PHACTR3: variants seen among roughly 807,000 people sequenced by gnomAD.
PHACTR3 encodes protein phosphatase 1, regulatory subunit 123.
Under a neutral mutation model 66.8 loss-of-function variants are expected in PHACTR3, and 16 were observed. That is an observed-to-expected ratio of 0.24 (90% CI 0.16 to 0.36). PHACTR3 has a LOEUF of 0.36. Among genes scored for constraint, PHACTR3 ranks in the 10% least tolerant of loss-of-function variants. The probability of loss-of-function intolerance (pLI) is 1.00; values close to 1 mark genes in which losing one functional copy is unlikely to be tolerated. For missense variants in PHACTR3, 647 were observed against 719.9 expected, an observed-to-expected ratio of 0.90 and a Z score of 1.16; for synonymous variants, 323 against 292.1, an observed-to-expected ratio of 1.11 and a Z score of -1.08.
chr20:59,679,788 C>T (rs574601468), intron 1 of PHACTR3, among the ~76,000 whole-genome samples: 20 of 152,192 alleles, frequency 1.3e-4, no homozygotes, highest in Admixed American at 9.8e-4. Context: ...CTTATAAAAC[C>T]GTCAGATCTC....
At chr20:59,675,477 A>C (rs2036422998) in intron 1 of PHACTR3, among the ~76,000 whole-genome samples, 1 of 152,064 alleles carries the variant, frequency 6.6e-6, no homozygotes, top group African/African-American at 2.4e-5. Flanking sequence ...TTCATTCGTT[A>C]AGTTCCTGGT....
intron 1 of PHACTR3, among the ~76,000 whole-genome samples, chr20:59,669,102 T>C (rs1419069883): frequency 1.3e-5 from 2 of 152,078 alleles, no homozygotes; most frequent in African/African-American, 4.8e-5. Context: ...GCCTCTGCCA[T>C]TTGCATGCTG....
At chr20:59,667,912 T>C (rs1307721627) in intron 1 of PHACTR3, among the ~76,000 whole-genome samples, 1 of 152,186 alleles carries the variant, frequency 6.6e-6, no homozygotes, top group Non-Finnish European at 1.5e-5. Context: ...AAATAAGCAG[T>C]GAATTCTGCA....
At chr20:59,728,514 C>T (rs2038644353) in intron 1 of PHACTR3, among the ~76,000 whole-genome samples, 2 of 152,096 alleles carry the variant, frequency 1.3e-5, no homozygotes, top group Admixed American at 6.5e-5. Flanking sequence ...AACCTAAATG[C>T]CCATCGACAG....
rs558431583 is a variant in PHACTR3 at position 59,695,319 on chromosome 20, A to T, written c.119-47788A>T. The stretch of plus-strand genomic sequence containing the variant: ...TGGATTTCCCCTTGCTGTTCTCATG[A>T]TAGTGAGTGTGTTCTTATGAGATCT... On this transcript the variant is annotated intron_variant, in intron 1 of 12. Transcript: ENST00000371015. Among the ~76,000 whole-genome samples the T allele has an allele frequency of 7.2e-5, 11 of 152,248 alleles. No homozygotes were observed. In the East Asian group the frequency reaches 2.1e-3, roughly 29 times the overall value.
chr20:59,763,952 TA>T (rs1215656347), intron 4 of PHACTR3, among the ~76,000 whole-genome samples: 3 of 152,224 alleles, frequency 2.0e-5, no homozygotes, highest in African/African-American at 7.2e-5. Context: ...TTCATAAGTT[TA>T]TTTTTCAAAG....
At chr20:59,722,894 C>T (rs754077725) in intron 1 of PHACTR3, among the ~76,000 whole-genome samples, 14 of 151,978 alleles carry the variant, frequency 9.2e-5, no homozygotes, top group Non-Finnish European at 1.9e-4. Context: ...TGCTGGGTCC[C>T]ACGTGCTATC....
chr20:59,710,184 GCTTAT>G (rs564295713), intron 1 of PHACTR3, among the ~76,000 whole-genome samples: 168 of 152,196 alleles, frequency 1.1e-3, no homozygotes, highest in African/African-American at 3.8e-3. Flanking sequence ...GAATCAAAAG[GCTTAT>G]CTTAACAAGC....
intron 1 of PHACTR3, among the ~76,000 whole-genome samples, chr20:59,732,582 G>T (rs1351753536): frequency 6.6e-6 from 1 of 152,162 alleles, no homozygotes; most frequent in East Asian, 1.9e-4. Context: ...GGAGAGAAAG[G>T]AGATGCCCTT....
rs2042225392 is a variant in PHACTR3, at chr20:59,827,468, A to G, written c.1329-9037A>G. Among the ~76,000 whole-genome samples, 4 of 152,152 alleles carry G rather than the reference A, an allele frequency of 2.6e-5. No homozygotes were observed. In the South Asian group the frequency reaches 6.2e-4, roughly 24 times the overall value. On this transcript the variant is annotated intron_variant, in intron 8 of 12. Transcript: ENST00000371015. ...CCAGGCTGACAAAACAGAAATAGCA[A>G]CAGTGATGGAGACAGTGCGGTGTGC...
chr20:59,820,942 A>G lies in PHACTR3; in HGVS notation c.1328+14748A>G, dbSNP rs2042013916. The stretch of plus-strand genomic sequence containing the variant: ...ATGGGTGTGTGATGTCTGCCTGCTC[A>G]GATGCTTGCAGGGACTAAATACCAC... On this transcript the variant is annotated intron_variant, in intron 8 of 12. Coordinates refer to ENST00000371015, the MANE Select transcript of PHACTR3 (RefSeq NM_080672.5). The surrounding 1 kb of genome is among the most constrained non-coding windows in gnomAD (Gnocchi z 4.6). 6.6e-6 allele frequency among the ~76,000 whole-genome samples: 1 copy of G among 152,124 alleles called. No individual in the cohort carries two copies. The highest frequency in any genetic ancestry group is 2.1e-4 in the South Asian group (1 of 4,828).
In PHACTR3 at chr20:59,725,129, A is replaced by G. The variant is rs145663908; in HGVS notation, c.119-17978A>G. ...AGGTGGATGTGAGTTCAGTGAGGCTATGCACTCAGGTGGCTGCAAGCCCAG... is the reference window on the plus strand; with the variant it reads ...AGGTGGATGTGAGTTCAGTGAGGCTGTGCACTCAGGTGGCTGCAAGCCCAG... On this transcript the variant is annotated intron_variant, in intron 1 of 12. Transcript: ENST00000371015. 2.1e-5 allele frequency among the ~76,000 whole-genome samples: 3 copies of G among 144,236 alleles called. No individual in the cohort carries two copies. The East Asian group carries it at 6.4e-4, about 31-fold the overall frequency. 94.6% of individuals were successfully genotyped at this position (144,236 alleles called of 152,430 possible).
chr20:59,635,151 T>TTTC lies in PHACTR3; in HGVS notation c.118+30020_118+30021insTCT, dbSNP rs1415793845. Among the ~76,000 whole-genome samples, 96 of 28,918 alleles carry TTTC rather than the reference T, an allele frequency of 3.3e-3. 1 individual carries two copies. The East Asian group carries it at 0.074, about 22-fold the overall frequency. 19.0% of individuals were successfully genotyped at this position (28,918 alleles called of 152,430 possible). A position where few individuals can be genotyped will look rare whatever the true frequency, so the allele number is the denominator to read the frequency against. ...TCTTTCTTTCTTTCTTTCTTTCTTT[T>TTTC]TCTTTCTTTCTTTCTTTCCTTTCTT... On this transcript the variant is annotated intron_variant, in intron 1 of 12. Transcript: ENST00000371015.
chr20:59,841,291 TTTTTG>T (rs746993446), intron 10 of PHACTR3, 99 bp from the exon 11 acceptor site: 566 of 1,230,184 alleles, frequency 4.6e-4, no homozygotes, highest in Non-Finnish European at 5.9e-4. Flanking sequence ...TTTCAGGTTT[TTTTTG>T]TTTTGTTTTG....
chr20:59,755,410 C>T (rs1568785400), intron 4 of PHACTR3, 46 bp downstream of exon 4: 1 of 1,584,338 alleles, frequency 6.3e-7, no homozygotes, highest in Non-Finnish European at 8.6e-7. Flanking sequence ...CTAGAATGGC[C>T]ATACGTCCCC....
At chr20:59,645,475 T>G (rs1180043646) in intron 1 of PHACTR3, among the ~76,000 whole-genome samples, 1 of 152,046 alleles carries the variant, frequency 6.6e-6, no homozygotes, top group Non-Finnish European at 1.5e-5. Context: ...TCTCGTCACG[T>G]GTGTGTCCGC....
chr20:59,721,295 T>A (rs11698337), intron 1 of PHACTR3: 7,787 of 152,316 alleles, frequency 0.051, 270 homozygotes, highest in Non-Finnish European at 0.081. Flanking sequence ...GCGGTGGCCA[T>A]TCTTCTCTCC....
intron 1 of PHACTR3, among the ~76,000 whole-genome samples, chr20:59,724,183 T>G (rs1047939406): frequency 6.6e-6 from 1 of 152,174 alleles, no homozygotes; most frequent in African/African-American, 2.4e-5. Context: ...TCTCTCATTC[T>G]GTTCCTGCCC....
intron 1 of PHACTR3, among the ~76,000 whole-genome samples, chr20:59,711,114 A>G (rs927940970): frequency 2.0e-5 from 3 of 152,166 alleles, no homozygotes; most frequent in Non-Finnish European, 2.9e-5. Flanking sequence ...CCAATTTTAA[A>G]TATAGCATGT....
Sources: allele counts gnomAD v4.1 joint callset (sites outside exome capture counted in the v4.1 genomes callset), GRCh38; gene constraint gnomAD v4.1.1; non-coding constraint Gnocchi (gnomAD v3.1); transcripts MANE v1.5; gene names NCBI Gene and HGNC (gene_info 2026-07-23, HGNC 2026-07-21).